CNTN5: variants seen among roughly 807,000 people sequenced by gnomAD.
The protein encoded by CNTN5 is contactin 5.
Under a neutral mutation model 129.1 loss-of-function variants are expected in CNTN5, and 77 were observed. The ratio of observed to expected loss-of-function variants is 0.60; its 90% CI spans 0.50 to 0.72. The LOEUF (loss-of-function observed/expected upper bound fraction) is 0.72. Among genes scored for constraint, CNTN5 ranks in the 30% least tolerant of loss-of-function variants. The pLI, the probability that CNTN5 is intolerant of heterozygous loss-of-function variation, is 0.00. For missense variants in CNTN5, 1,478 were observed against 1,328.8 expected (o/e 1.11, Z -1.75); for synonymous variants, 509 against 465.6 (o/e 1.09, Z -1.20).
At chr11:99,955,967 A>G (rs1232618694) in intron 7 of CNTN5, among the ~76,000 whole-genome samples, 3 of 152,134 alleles carry the variant, frequency 2.0e-5, no homozygotes, top group African/African-American at 7.2e-5. Context: ...GAAAATATTT[A>G]AGTATCCATT....
chr11:100,333,275 C>T (rs1051880430), intron 21 of CNTN5, among the ~76,000 whole-genome samples: 2 of 151,846 alleles, frequency 1.3e-5, no homozygotes, highest in African/African-American at 4.8e-5. Flanking sequence ...AAATCATAGA[C>T]AACACAAATT....
chr11:99,203,018 G>C (rs1400593720), intron 1 of CNTN5, among the ~76,000 whole-genome samples: 1 of 151,884 alleles, frequency 6.6e-6, no homozygotes, highest in Non-Finnish European at 1.5e-5. Context: ...AGGAAGGAAA[G>C]AAGGCAGGCA....
intron 1 of CNTN5, among the ~76,000 whole-genome samples, chr11:99,091,127 A>T (rs1028230575): frequency 2.6e-5 from 4 of 151,988 alleles, no homozygotes; most frequent in Admixed American, 2.6e-4. Context: ...AGTGATAAAG[A>T]TGTGCCATTT....
chr11:99,764,082 A>C (rs963114993), intron 3 of CNTN5, among the ~76,000 whole-genome samples: 6 of 152,142 alleles, frequency 3.9e-5, no homozygotes, highest in Admixed American at 3.9e-4. Flanking sequence ...CTGTTGTAAA[A>C]ATTTAGATAT....
At chr11:99,285,108 C>A (rs910616633) in intron 1 of CNTN5, among the ~76,000 whole-genome samples, 1 of 151,806 alleles carries the variant, frequency 6.6e-6, no homozygotes, top group Non-Finnish European at 1.5e-5. Flanking sequence ...GTGTGGTTTC[C>A]CCTGTCACCC....
At chr11:99,732,129 G>T (rs1943555046) in intron 3 of CNTN5, among the ~76,000 whole-genome samples, 1 of 152,184 alleles carries the variant, frequency 6.6e-6, no homozygotes, top group Non-Finnish European at 1.5e-5. Context: ...AGGTAAACAA[G>T]TCCTGATAGG....
intron 13 of CNTN5, among the ~76,000 whole-genome samples, chr11:100,102,077 T>C (rs1945242079): frequency 6.6e-6 from 1 of 152,114 alleles, no homozygotes; most frequent in Non-Finnish European, 1.5e-5. Flanking sequence ...TTATTTTCCT[T>C]TGGGTAGATA....
intron 1 of CNTN5, among the ~76,000 whole-genome samples, chr11:99,181,738 C>A (rs766355610): frequency 2.0e-5 from 3 of 152,144 alleles, no homozygotes; most frequent in Non-Finnish European, 4.4e-5. Flanking sequence ...AGGTCACAAG[C>A]CTTAGGGGCA....
chr11:99,789,307 C>A (rs927285267), intron 3 of CNTN5, among the ~76,000 whole-genome samples: 1 of 151,794 alleles, frequency 6.6e-6, no homozygotes, highest in Non-Finnish European at 1.5e-5. Flanking sequence ...TTACTATTAT[C>A]CTGATTTTAC....
At chr11:99,872,085 A>G (rs1948517315) in intron 6 of CNTN5, among the ~76,000 whole-genome samples, 1 of 151,960 alleles carries the variant, frequency 6.6e-6, no homozygotes, top group Non-Finnish European at 1.5e-5. Flanking sequence ...TTCTTTATTG[A>G]CCATTGCCTG....
At chr11:99,366,320 A>G (rs1939444204) in intron 2 of CNTN5, among the ~76,000 whole-genome samples, 1 of 152,160 alleles carries the variant, frequency 6.6e-6, no homozygotes, top group East Asian at 1.9e-4. Flanking sequence ...ATTCCTGCCC[A>G]ACTCATTTGG....
chr11:99,413,947 A>G (rs1053959172), intron 2 of CNTN5, among the ~76,000 whole-genome samples: 4 of 152,188 alleles, frequency 2.6e-5, no homozygotes, highest in African/African-American at 7.2e-5. Flanking sequence ...TCTTTCACAA[A>G]TCTACTTATG....
At chr11:99,883,109 T>G (rs1266956034) in intron 6 of CNTN5, among the ~76,000 whole-genome samples, 1 of 152,184 alleles carries the variant, frequency 6.6e-6, no homozygotes, top group African/African-American at 2.4e-5. Context: ...CACATTTTCT[T>G]CATTCATCTA....
At chr11:100,194,750 C>T (rs1183064608) in intron 15 of CNTN5, among the ~76,000 whole-genome samples, 1 of 151,914 alleles carries the variant, frequency 6.6e-6, no homozygotes, top group Non-Finnish European at 1.5e-5. Context: ...AAAAGTTACA[C>T]CAGATAATTT....
chr11:99,891,835 G>A (rs1418393086), intron 6 of CNTN5, among the ~76,000 whole-genome samples: 1 of 151,886 alleles, frequency 6.6e-6, no homozygotes, highest in African/African-American at 2.4e-5. Flanking sequence ...TAATCCTCTG[G>A]GTATATACCC....
intron 1 of CNTN5, among the ~76,000 whole-genome samples, chr11:99,143,293 A>C (rs1013523102): frequency 4.2e-5 from 6 of 142,452 alleles, no homozygotes; most frequent in Non-Finnish European, 9.0e-5. Context: ...ATATTTTAAA[A>C]TATACATGTA....
chr11:99,904,751 CCCA>C (rs1312498888), intron 6 of CNTN5, among the ~76,000 whole-genome samples: 4 of 152,174 alleles, frequency 2.6e-5, no homozygotes, highest in African/African-American at 7.2e-5. Context: ...AATTTACACT[CCCA>C]CCAACAGTGT....
chr11:99,662,099 C>T (rs1363255152), intron 3 of CNTN5, among the ~76,000 whole-genome samples: 2 of 152,066 alleles, frequency 1.3e-5, no homozygotes, highest in African/African-American at 4.8e-5. Flanking sequence ...TCTGAATTTA[C>T]ATAAACATTT....
intron 1 of CNTN5, among the ~76,000 whole-genome samples, chr11:99,075,405 C>T (rs1488566618): frequency 6.6e-6 from 1 of 152,078 alleles, no homozygotes; most frequent in Non-Finnish European, 1.5e-5. Context: ...CGTGTAAATA[C>T]TACTTTTATT....
Sources: gnomAD v4.1 joint callset for allele counts (sites outside exome capture counted in the v4.1 genomes callset) on GRCh38, gnomAD v4.1.1 for gene constraint, MANE v1.5 for transcripts, NCBI Gene and HGNC (gene_info 2026-07-23, HGNC 2026-07-21) for gene names.